The following THBS4 variants were observed in gnomAD, a reference collection of about 807,000 sequenced individuals.
THBS4 encodes the protein thrombospondin 4.
Under a neutral mutation model 115.7 loss-of-function variants are expected in THBS4, and 90 were observed. The ratio of observed to expected loss-of-function variants is 0.78; its 90% CI spans 0.66 to 0.93. The LOEUF is 0.93. THBS4 is among the 40% of genes least tolerant of loss of function. The pLI is 0.00. For missense variants in THBS4, 1,087 were observed against 1,232.7 expected (o/e 0.88, Z 1.77); for synonymous variants, 460 against 479.3 (o/e 0.96, Z 0.53).
chr5:80,078,772 A>T (rs1743344305), intron 17 of THBS4, 149 bp from the exon 18 acceptor site: 1 of 650,516 alleles, frequency 1.5e-6, no homozygotes, highest in Non-Finnish European at 2.5e-6. Context: ...CACATAACAC[A>T]ATAGAGCAAC....
At chr5:80,003,186 C>A (rs373169340) in intron 2 of THBS4, among the ~76,000 whole-genome samples, 12 of 152,120 alleles carry the variant, frequency 7.9e-5, no homozygotes, top group South Asian at 6.2e-4. Flanking sequence ...TTGAATACTG[C>A]AAACTTAAGT....
In THBS4 at chr5:79,996,129, T is replaced by C. The variant is rs1360739463; in HGVS notation, n.82-2203T>C. Among the ~76,000 whole-genome samples the C allele has an allele frequency of 2.6e-5, 4 of 152,094 alleles. No homozygotes were observed. The South Asian group carries it at 8.3e-4, about 32-fold the overall frequency. On this transcript the variant is annotated intron_variant and non_coding_transcript_variant, in intron 1 of 3. Transcript: ENST00000510218. Reference sequence around the variant, plus strand: ...TCCAGCCTGGGCAACAGAGTGACTCTGTCACACATACACACAAAAAAAAAG... The same window carrying C: ...TCCAGCCTGGGCAACAGAGTGACTCCGTCACACATACACACAAAAAAAAAG...
At chr5:80,011,398 G>C (rs557200080) in intron 2 of THBS4, among the ~76,000 whole-genome samples, 1 of 152,198 alleles carries the variant, frequency 6.6e-6, no homozygotes, top group South Asian at 2.1e-4. Flanking sequence ...TGCCACGGAG[G>C]CTGGGAAATA....
chr5:80,027,661 G>A (rs2913545), intron 2 of THBS4, among the ~76,000 whole-genome samples: 6 of 151,536 alleles, frequency 4.0e-5, no homozygotes, highest in South Asian at 2.1e-4. Flanking sequence ...TTTGGGAGGC[G>A]GAGGCAGGTG....
chr5:80,061,830 C>T lies in THBS4; in HGVS notation c.1123C>T (p.Gln375Ter). The T allele has an allele frequency of 6.2e-7, 1 of 1,606,328 alleles. No homozygotes were observed. Among genetic ancestry groups the T allele is most frequent in the Non-Finnish European group, 8.5e-7 (1 of 1,175,980 alleles). ...VGISFAKSNK[Q>*]VCTDIDECRN... The stretch of plus-strand genomic sequence containing the variant: ...GATCAGTTTTGCCAAGTCAAACAAG[C>T]AGGTAGGCTGAAGTCATGGTTTCTA... Residue 375 changes from glutamine to a stop codon, truncating the protein, a stop_gained and splice_region_variant, in exon 8 of 22, where the codon CAG becomes TAG. Transcript: ENST00000350881. LOFTEE classifies it high-confidence loss of function.
At chr5:80,027,383 T>G (rs889111215) in intron 2 of THBS4, among the ~76,000 whole-genome samples, 3 of 152,126 alleles carry the variant, frequency 2.0e-5, no homozygotes, top group African/African-American at 7.2e-5. Context: ...TTTGCAACCA[T>G]GAGGGAAATC....
Position 80,078,253 on chromosome 5 carries a change from C to T in THBS4, c.2265+26C>T, listed in dbSNP as rs372062861. On this transcript the variant is annotated intron_variant, in intron 17 of 21. Transcript: ENST00000350881. ...GTGAGTGTCACATGGGCGGCAATGG[C>T]TCAGCCTTGCCTCTCAACAGAGGCC... is the stretch of plus-strand genomic sequence containing the variant. The T allele has an allele frequency of 4.5e-6, 7 of 1,540,516 alleles. No homozygotes were observed. The African/African-American group carries it at 8.2e-5, about 18-fold the overall frequency.
intron 1 of THBS4, among the ~76,000 whole-genome samples, chr5:80,039,030 G>A (rs1444808033): frequency 2.0e-5 from 3 of 152,048 alleles, no homozygotes; most frequent in Non-Finnish European, 2.9e-5. Context: ...TATACTTAAT[G>A]GTCATTGTAA....
At chr5:80,016,494 C>T (rs974073450) in intron 2 of THBS4, among the ~76,000 whole-genome samples, 2 of 152,054 alleles carry the variant, frequency 1.3e-5, no homozygotes, top group Admixed American at 1.3e-4. Flanking sequence ...CAAAATGAAT[C>T]CAGTGAGACA....
At chr5:80,014,391 G>A (rs548173897) in intron 2 of THBS4, among the ~76,000 whole-genome samples, 1 of 152,358 alleles carries the variant, frequency 6.6e-6, no homozygotes, top group Non-Finnish European at 1.5e-5. Flanking sequence ...CAGCAGTCAT[G>A]ACAGTGGTCC....
At chr5:80,043,342 G>T (rs546584699) in intron 2 of THBS4, among the ~76,000 whole-genome samples, 1 of 152,310 alleles carries the variant, frequency 6.6e-6, no homozygotes, top group African/African-American at 2.4e-5. Context: ...AGAGCCTGTG[G>T]TTGAGACTCC....
In THBS4 at chr5:80,079,062, G is replaced by A; in HGVS notation, c.2315G>A (p.Gly772Glu). ...TTCTAATCTTATCTGGTCCCTACAGGGTACACAGCTTTTAATGGAGTTGAC... is the reference window on the plus strand; with the variant it reads ...TTCTAATCTTATCTGGTCCCTACAGAGTACACAGCTTTTAATGGAGTTGAC... Reference protein sequence around the residue: ...TMNSDPGLAVGYTAFNGVDFE... With the variant: ...TMNSDPGLAVEYTAFNGVDFE... The change falls in exon 19 of 22, where the codon GGG (glycine) becomes GAG (glutamate). Residue 772 changes from glycine to glutamate, a missense_variant and splice_region_variant. Coordinates refer to ENST00000350881, the MANE Select transcript of THBS4 (RefSeq NM_003248.6). 6.2e-7 allele frequency: 1 copy of A among 1,613,096 alleles called. No homozygotes were observed. The highest frequency in any genetic ancestry group is 8.5e-7 in the Non-Finnish European group (1 of 1,179,286).
chr5:80,082,969 T>C, intron 21 of THBS4, 111 bp from the exon 22 acceptor site: 1 of 635,862 alleles, frequency 1.6e-6, no homozygotes, highest in Non-Finnish European at 2.3e-6. Context: ...CTGCGGGGCG[T>C]CCTGGGCGGG....
Position 80,082,435 on chromosome 5 carries a change from T to C in THBS4, c.2714T>C (p.Val905Ala), listed in dbSNP as rs1743560353. ...RVRFYEGSEL[V>A]ADSGVTIDTT... ...CGATTTTATGAAGGCTCTGAGTTGGTGGCTGACTCTGGCGTCACCATAGAC... is the reference window on the plus strand; with the variant it reads ...CGATTTTATGAAGGCTCTGAGTTGGCGGCTGACTCTGGCGTCACCATAGAC... Residue 905 changes from valine to alanine, a missense_variant, in exon 21 of 22, where the codon GTG becomes GCG. Around this residue, in one of 3 missense-constraint regions of THBS4, gnomAD observed 103 missense variants for 108.2 expected, o/e 0.95. Coordinates refer to ENST00000350881, the MANE Select transcript of THBS4 (RefSeq NM_003248.6). The C allele has an allele frequency of 1.9e-6, 3 of 1,614,158 alleles. No homozygotes were observed. Among genetic ancestry groups the C allele is most frequent in the Non-Finnish European group, 2.5e-6 (3 of 1,179,988 alleles).
chr5:80,022,510 A>C (rs1832398117), intron 2 of THBS4, among the ~76,000 whole-genome samples: 1 of 152,212 alleles, frequency 6.6e-6, no homozygotes, highest in South Asian at 2.1e-4. Flanking sequence ...CTTTACCATA[A>C]TACTGTAAAA....
chr5:80,072,167 C>G (rs1834084573), intron 13 of THBS4, 111 bp from the exon 14 acceptor site: 1 of 901,212 alleles, frequency 1.1e-6, no homozygotes, highest in South Asian at 1.5e-5. Flanking sequence ...AGGGTAGTCT[C>G]TGTGTGACAC....
intron 15 of THBS4, chr5:80,074,311 C>T (rs543176151): frequency 6.6e-6 from 1 of 152,200 alleles, no homozygotes; most frequent in Non-Finnish European, 1.5e-5. Flanking sequence ...CCTAGCTCAA[C>T]ACGATGGAGT....
intron 7 of THBS4, 74 bp from the exon 8 acceptor site, chr5:80,061,621 G>A: frequency 2.0e-6 from 3 of 1,501,560 alleles, no homozygotes; most frequent in South Asian, 2.6e-5. Context: ...AAACAAGTAT[G>A]TGCAAATAGA....
chr5:80,031,774 A>G (rs1291440051), upstream of THBS4, among the ~76,000 whole-genome samples: 1 of 152,212 alleles, frequency 6.6e-6, no homozygotes, highest in Non-Finnish European at 1.5e-5. Flanking sequence ...TTGGCCAAGC[A>G]TGTTACGTGG....
Sources: allele counts gnomAD v4.1 joint callset (sites outside exome capture counted in the v4.1 genomes callset), GRCh38; gene constraint gnomAD v4.1.1; regional missense constraint gnomAD v4.1.1; transcripts MANE v1.5; gene names NCBI Gene and HGNC (gene_info 2026-07-23, HGNC 2026-07-21).